Variants in C12orf54 observed in about 807,000 individuals in gnomAD.
The protein encoded by C12orf54 is uncharacterized protein C12orf54.
C12orf54 carries 24 observed loss-of-function variants against 26.4 expected under a neutral mutation model. The ratio of observed to expected loss-of-function variants is 0.91; its 90% CI spans 0.66 to 1.28. The LOEUF is 1.28. Ranked by LOEUF, C12orf54 falls within the 50% of genes most tolerant of loss-of-function variation. C12orf54 has a pLI of 0.00. For synonymous variants in C12orf54, 54 were observed against 47.0 expected (o/e 1.15, Z -0.61); for missense variants, 154 against 150.9 (o/e 1.02, Z -0.11).
At chr12:48,474,151 CT>C in the C12orf54 span, among the ~76,000 whole-genome samples, 1 of 152,118 alleles carries the variant, frequency 6.6e-6, no homozygotes, top group South Asian at 2.1e-4. Context: ...GAAAAAAAAA[CT>C]GTCCTATCTT....
In C12orf54 at chr12:48,490,797, C is replaced by G. The variant is rs1170994554; in HGVS notation, c.169-15C>G. 3.1e-6 allele frequency: 5 copies of G among 1,613,424 alleles called. No individual in the cohort carries two copies. The highest frequency in any genetic ancestry group is 2.5e-6 in the Non-Finnish European group (3 of 1,179,472). On this transcript the variant is annotated splice_polypyrimidine_tract_variant and intron_variant, in intron 5 of 8. Coordinates refer to ENST00000548364, the MANE Select transcript of C12orf54 (RefSeq NM_152319.4). ...AGCCCCCATCATCTCTGACTGTATT[C>G]TCATTATTTTTCAGCTGCAGGAAGA...
chr12:48,425,728 T>C, the C12orf54 span, among the ~76,000 whole-genome samples: 1 of 152,074 alleles, frequency 6.6e-6, no homozygotes, highest in Non-Finnish European at 1.5e-5. Flanking sequence ...CTCTGCAACC[T>C]CGCCAGCATC....
In C12orf54 at chr12:48,486,701, C is replaced by A; in HGVS notation, c.110C>A (p.Thr37Asn). Residue 37 changes from threonine (T) to asparagine (N), a missense_variant, in exon 4 of 9, where the codon ACC becomes AAC. By Grantham distance (65) the Thr-to-Asn change is moderately conservative. Transcript: ENST00000548364. ...TTATTTCTACAGGAAAAACAGGTAA[C>A]CATCACTGAAACCCTGTGGGACCAG... The part of the protein sequence containing the change: ...ETMRPQEKQV[T>N]ITETLWDQVL... The A allele has an allele frequency of 1.2e-6, 2 of 1,613,190 alleles. No individual in the cohort carries two copies. The highest frequency in any genetic ancestry group is 1.1e-5 in the South Asian group (1 of 91,056).
At chr12:48,473,130 C>T in the C12orf54 span, 2 of 1,608,744 alleles carry the variant, frequency 1.2e-6, no homozygotes, top group Non-Finnish European at 1.7e-6. Flanking sequence ...CAAGGAGGCC[C>T]CTAACTCGGA....
At chr12:48,481,347 A>G (rs781390528), upstream of C12orf54, among the ~76,000 whole-genome samples, 2 of 151,864 alleles carry the variant, frequency 1.3e-5, no homozygotes, top group Non-Finnish European at 2.9e-5. Flanking sequence ...AGGAGCTTAG[A>G]CTCCTTATGG....
chr12:48,472,620 T>G, the C12orf54 span: 1 of 1,609,592 alleles, frequency 6.2e-7, no homozygotes, highest in East Asian at 2.2e-5. Context: ...GGTTTATTGG[T>G]TGAATTCCGC....
chr12:48,427,418 G>A, the C12orf54 span, among the ~76,000 whole-genome samples: 1 of 152,140 alleles, frequency 6.6e-6, no homozygotes, highest in Non-Finnish European at 1.5e-5. Flanking sequence ...TTGCATCCAA[G>A]AATAAAGCCT....
intron 7 of C12orf54, among the ~76,000 whole-genome samples, chr12:48,493,365 G>A (rs1175904566): frequency 6.6e-6 from 1 of 152,214 alleles, no homozygotes; most frequent in Non-Finnish European, 1.5e-5. Context: ...TGGGTGTGGG[G>A]TGGTTCACGC....
At chr12:48,454,478 C>G in the C12orf54 span, among the ~76,000 whole-genome samples, 3 of 152,108 alleles carry the variant, frequency 2.0e-5, no homozygotes, top group Non-Finnish European at 2.9e-5. Flanking sequence ...AAGATGAAGA[C>G]TATCACAAAC....
the C12orf54 span, among the ~76,000 whole-genome samples, chr12:48,463,065 C>T: frequency 4.6e-5 from 7 of 151,874 alleles, no homozygotes; most frequent in African/African-American, 1.4e-4. Context: ...ATTCAACATA[C>T]AAACTAGATG....
Position 48,486,142 on chromosome 12 carries a change from G to A in C12orf54, c.66-36G>A, listed in dbSNP as rs770891213. 5.1e-6 allele frequency: 8 copies of A among 1,581,974 alleles called. No individual in the cohort carries two copies. In the Admixed American group the frequency reaches 1.3e-4, roughly 26 times the overall value. On this transcript the variant is annotated intron_variant, in intron 2 of 8. Coordinates refer to ENST00000548364, the MANE Select transcript of C12orf54 (RefSeq NM_152319.4). ...GAGAAGGCTTTAGCCCACATTCTGT[G>A]CTCCTCATCAGGTTTATATCATTCT...
chr12:48,427,224 T>C, the C12orf54 span, among the ~76,000 whole-genome samples: 1 of 152,162 alleles, frequency 6.6e-6, no homozygotes, highest in Non-Finnish European at 1.5e-5. Flanking sequence ...TTGTCACAGA[T>C]AGCTCTTATT....
chr12:48,478,031 T>C (rs943050896), upstream of C12orf54, among the ~76,000 whole-genome samples: 3 of 152,116 alleles, frequency 2.0e-5, no homozygotes, highest in Non-Finnish European at 4.4e-5. Flanking sequence ...CAGCAGCACA[T>C]CATAAAGCTT....
the C12orf54 span, among the ~76,000 whole-genome samples, chr12:48,438,887 A>G: frequency 6.6e-6 from 1 of 152,204 alleles, no homozygotes; most frequent in Non-Finnish European, 1.5e-5. Context: ...ATGGCAACAA[A>G]AGCCCAAAAT....
the C12orf54 span, among the ~76,000 whole-genome samples, chr12:48,414,137 CT>C: frequency 6.6e-6 from 1 of 152,244 alleles, no homozygotes. Context: ...TCATGACCTA[CT>C]TTTGTGAATT....
At chr12:48,470,526 T>C in the C12orf54 span, among the ~76,000 whole-genome samples, 1 of 152,174 alleles carries the variant, frequency 6.6e-6, no homozygotes. Flanking sequence ...GGGTAGCTTT[T>C]TGCTTGTTGA....
chr12:48,434,135 G>A, the C12orf54 span, among the ~76,000 whole-genome samples: 2 of 152,198 alleles, frequency 1.3e-5, no homozygotes, highest in African/African-American at 4.8e-5. Flanking sequence ...TGACTCGGAG[G>A]GTCCTACACC....
At chr12:48,455,017 C>T in the C12orf54 span, among the ~76,000 whole-genome samples, 1 of 152,216 alleles carries the variant, frequency 6.6e-6, no homozygotes, top group South Asian at 2.1e-4. Flanking sequence ...GGGTAAATTG[C>T]GTGTCACTGG....
At chr12:48,472,451 G>A in the C12orf54 span, among the ~76,000 whole-genome samples, 1 of 152,220 alleles carries the variant, frequency 6.6e-6, no homozygotes, top group Non-Finnish European at 1.5e-5. Flanking sequence ...AATAGAGGAA[G>A]TAGTCATTAT....
Sources: gnomAD v4.1 joint callset for allele counts (sites outside exome capture counted in the v4.1 genomes callset) on GRCh38, gnomAD v4.1.1 for gene constraint, MANE v1.5 for transcripts, NCBI Gene and HGNC (gene_info 2026-07-23, HGNC 2026-07-21) for gene names.